Variants in ANKMY2 observed in about 807,000 individuals in gnomAD.
ANKMY2 encodes ankyrin repeat and MYND domain-containing protein 2.
ANKMY2 carries 36 observed loss-of-function variants against 50.4 expected under a neutral mutation model. That is an observed-to-expected ratio of 0.71 (90% CI 0.55 to 0.94). ANKMY2 has a LOEUF of 0.94. Ranked by LOEUF, ANKMY2 falls within the 40% of genes least tolerant of loss-of-function variation. The pLI is 0.00. For missense variants in ANKMY2, 565 were observed against 524.0 expected (o/e 1.08, Z -0.76); for synonymous variants, 187 against 178.8 (o/e 1.05, Z -0.36).
At chr7:16,625,571 A>C (rs775345999) in intron 3 of ANKMY2, among the ~76,000 whole-genome samples, 18 of 152,200 alleles carry the variant, frequency 1.2e-4, no homozygotes, top group Non-Finnish European at 2.6e-4. Context: ...TTCTTCTACT[A>C]AAGTAGTCAT....
At chr7:16,608,217 T>C (rs1289603139) in intron 7 of ANKMY2, among the ~76,000 whole-genome samples, 1 of 152,212 alleles carries the variant, frequency 6.6e-6, no homozygotes, top group Non-Finnish European at 1.5e-5. Context: ...ATCTATTTAA[T>C]TCATGGTTGG....
intron 1 of ANKMY2, among the ~76,000 whole-genome samples, chr7:16,642,382 C>G (rs879500068): frequency 1.3e-5 from 2 of 152,134 alleles, no homozygotes; most frequent in Non-Finnish European, 1.5e-5. Flanking sequence ...TAAATGAATG[C>G]TGTCATTAAC....
chr7:16,642,383 T>C (rs578087455), intron 1 of ANKMY2, among the ~76,000 whole-genome samples: 1 of 152,358 alleles, frequency 6.6e-6, no homozygotes, highest in East Asian at 1.9e-4. Context: ...AAATGAATGC[T>C]GTCATTAACT....
At chr7:16,629,305 G>T (rs62440988) in intron 2 of ANKMY2, among the ~76,000 whole-genome samples, 8,143 of 152,260 alleles carry the variant, frequency 0.053, 342 homozygotes, top group Non-Finnish European at 0.08. Flanking sequence ...GGAGGCTGAG[G>T]TGGGCAGATC....
chr7:16,600,927 T>C lies in ANKMY2; in HGVS notation c.1160A>G (p.Asn387Ser), dbSNP rs368634987. ...TTGCTCTTCATTAACACAGTTAGAATTGACATCAAGTTTGCCGTCTGATTA... is the reference window on the plus strand; with the variant it reads ...TTGCTCTTCATTAACACAGTTAGAACTGACATCAAGTTTGCCGTCTGATTA... ...QEENHGKLDVNSNCVNEEQPE... is the reference protein window; with the variant it reads ...QEENHGKLDVSSNCVNEEQPE... The change falls in exon 10 of 10, where the codon AAT (asparagine) becomes AGT (serine). Residue 387 changes from asparagine (N) to serine (S), a missense_variant. Asn to Ser is a conservative substitution (Grantham distance 46). Transcript: ENST00000306999. 13 of 1,596,352 alleles carry C rather than the reference T, an allele frequency of 8.1e-6. No homozygotes were observed. Among genetic ancestry groups the C allele is most frequent in the African/African-American group, 8.1e-5 (6 of 74,082 alleles).
intron 1 of ANKMY2, 100 bp downstream of exon 1, chr7:16,645,407 A>G: frequency 8.3e-7 from 1 of 1,203,948 alleles, no homozygotes; most frequent in Non-Finnish European, 1.1e-6. Flanking sequence ...AACCTTGCAG[A>G]ACCGCAGCCA....
chr7:16,608,645 T>C (rs1262083887), intron 7 of ANKMY2, among the ~76,000 whole-genome samples: 1 of 152,124 alleles, frequency 6.6e-6, no homozygotes, highest in African/African-American at 2.4e-5. Flanking sequence ...GCTGATCAAG[T>C]TTTTGATTGA....
At chr7:16,629,515 G>A (rs982700591) in intron 2 of ANKMY2, among the ~76,000 whole-genome samples, 6 of 151,778 alleles carry the variant, frequency 4.0e-5, no homozygotes, top group South Asian at 2.1e-4. Context: ...CAGCCTGGGC[G>A]ACAGAGTGAG....
At chr7:16,644,680 G>C in intron 1 of ANKMY2, 1 of 471,138 alleles carries the variant, frequency 2.1e-6, no homozygotes, top group Non-Finnish European at 4.4e-6. Context: ...TCACGCTGAT[G>C]TCACCTGCCA....
intron 7 of ANKMY2, among the ~76,000 whole-genome samples, chr7:16,605,705 C>T (rs7782387): frequency 1.7e-3 from 195 of 113,922 alleles, no homozygotes; most frequent in African/African-American, 6.1e-3. Context: ...TTTTTTGAGA[C>T]GGAGCCTCGC....
At chr7:16,613,578 A>G (rs2128342889) in intron 5 of ANKMY2, among the ~76,000 whole-genome samples, 1 of 152,298 alleles carries the variant, frequency 6.6e-6, no homozygotes, top group African/African-American at 2.4e-5. Flanking sequence ...TCTATTTCAG[A>G]CTATATACCT....
At chr7:16,624,259 C>A (rs529027561) in intron 4 of ANKMY2, among the ~76,000 whole-genome samples, 2 of 152,284 alleles carry the variant, frequency 1.3e-5, no homozygotes, top group East Asian at 3.9e-4. Context: ...TCAGACGTTG[C>A]TCTTTGCTTT....
chr7:16,636,802 T>G (rs185649470), intron 1 of ANKMY2, among the ~76,000 whole-genome samples: 1 of 152,348 alleles, frequency 6.6e-6, no homozygotes, highest in African/African-American at 2.4e-5. Flanking sequence ...CAAATCACCA[T>G]CTGAAGCTTA....
intron 1 of ANKMY2, among the ~76,000 whole-genome samples, chr7:16,642,873 G>T (rs1264982823): frequency 6.6e-6 from 1 of 152,140 alleles, no homozygotes; most frequent in Non-Finnish European, 1.5e-5. Context: ...TGTATGGACT[G>T]CTATGGTACT....
chr7:16,621,170 G>A (rs1434370939), intron 4 of ANKMY2, among the ~76,000 whole-genome samples: 1 of 152,098 alleles, frequency 6.6e-6, no homozygotes, highest in Non-Finnish European at 1.5e-5. Flanking sequence ...TCCATAACCA[G>A]CTGGAAGTGA....
Position 16,602,407 on chromosome 7 carries a change from C to T in ANKMY2, c.1114G>A (p.Ala372Thr). 1.2e-6 allele frequency: 2 copies of T among 1,613,192 alleles called. No homozygotes were observed. The highest frequency in any genetic ancestry group is 1.7e-6 in the Non-Finnish European group (2 of 1,179,818). The stretch of plus-strand genomic sequence containing the variant: ...TTTTCCTCTTGTCTCTTTTCTTTGG[C>T]AGCCTCCAACTGTTGCTTTTCGTAA... ...DIYEKQQLEAAKEKRQEENHG... is the reference protein window; with the variant it reads ...DIYEKQQLEATKEKRQEENHG... The change falls in exon 9 of 10, where the codon GCC becomes ACC. Residue 372 changes from alanine (A) to threonine (T), a missense_variant. By Grantham distance (58) the Ala-to-Thr change is moderately conservative. Transcript: ENST00000306999.
chr7:16,616,778 GC>G, intron 4 of ANKMY2, among the ~76,000 whole-genome samples: 1 of 152,342 alleles, frequency 6.6e-6, no homozygotes, highest in South Asian at 2.1e-4. Flanking sequence ...AGACGCCATG[GC>G]CCCCGCTCCC....
In ANKMY2 at chr7:16,643,224, A is replaced by C. The variant is rs532985647; in HGVS notation, c.67+2283T>G. Reference sequence around the variant, plus strand: ...TCACCAGTAAATGAGTTAGAATTTCAAACCAGACCTGCATGGTTAACCACT... The same window carrying C: ...TCACCAGTAAATGAGTTAGAATTTCCAACCAGACCTGCATGGTTAACCACT... On this transcript the variant is annotated intron_variant, in intron 1 of 9. Coordinates refer to ENST00000306999, the MANE Select transcript of ANKMY2 (RefSeq NM_020319.3). Among the ~76,000 whole-genome samples the C allele has an allele frequency of 2.0e-5, 3 of 152,338 alleles. No individual in the cohort carries two copies. The South Asian group carries it at 6.2e-4, about 32-fold the overall frequency.
At chr7:16,644,044 G>T (rs1458089176) in intron 1 of ANKMY2, among the ~76,000 whole-genome samples, 3 of 152,124 alleles carry the variant, frequency 2.0e-5, no homozygotes, top group Non-Finnish European at 4.4e-5. Context: ...GAGAGAGAGA[G>T]GACATGTACT....
Sources: allele counts gnomAD v4.1 joint callset (sites outside exome capture counted in the v4.1 genomes callset), GRCh38; gene constraint gnomAD v4.1.1; transcripts MANE v1.5; gene names NCBI Gene and HGNC (gene_info 2026-07-23, HGNC 2026-07-21).